ENDOU: variants seen among roughly 807,000 people sequenced by gnomAD.
ENDOU encodes the protein uridylate-specific endoribonuclease.
In ENDOU, 49 loss-of-function variants were observed where a neutral mutation model predicts 54.2. The observed-to-expected ratio is 0.90, with a 90% CI of 0.72 to 1.15. ENDOU has a LOEUF of 1.15. Among genes scored for constraint, ENDOU ranks in the 50% most tolerant of loss-of-function variants. The pLI is 0.00. For missense variants in ENDOU, 458 were observed against 511.4 expected (o/e 0.90, Z 1.01); for synonymous variants, 172 against 190.5 (o/e 0.90, Z 0.80).
intron 1 of ENDOU, among the ~76,000 whole-genome samples, chr12:47,721,839 CG>C (rs1315919681): frequency 6.6e-6 from 1 of 152,166 alleles, no homozygotes; most frequent in Non-Finnish European, 1.5e-5. Flanking sequence ...TTGGATTTCA[CG>C]AACGCTGGGT....
rs1939919290 is a variant in ENDOU, at chr12:47,709,861, A to G, written c.*941T>C. On this transcript the variant is annotated 3_prime_UTR_variant, in exon 10 of 10. Transcript: ENST00000422538. ...GGACAAATGCATAATTGAGGTTAAA[A>G]TAGGGAACTACAGTCTCTCTGGTCT... 1 of 152,256 alleles carries G rather than the reference A, an allele frequency of 6.6e-6. No individual in the cohort carries two copies. Among genetic ancestry groups the G allele is most frequent in the South Asian group, 2.1e-4 (1 of 4,832 alleles). 9.4% of individuals were successfully genotyped at this position (152,256 alleles called of 1,614,324 possible). A position where few individuals can be genotyped will look rare whatever the true frequency, so the allele number is the denominator to read the frequency against.
chr12:47,716,633 T>C (rs1565733774), intron 5 of ENDOU, 134 bp from the exon 6 acceptor site: 2 of 788,946 alleles, frequency 2.5e-6, no homozygotes, highest in East Asian at 5.3e-5. Context: ...TCGGGTACTC[T>C]TGAAAGTCAC....
Position 47,710,782 on chromosome 12 carries a change from C to T in ENDOU, c.*20G>A. On this transcript the variant is annotated 3_prime_UTR_variant, in exon 10 of 10. Transcript: ENST00000422538. ...CAGTCTCGCAAGAGCCCTCATGCCC[C>T]TTTCTGGCTCGAAGTTCTATTAGGT... is the stretch of plus-strand genomic sequence containing the variant. 4 of 1,570,626 alleles carry T rather than the reference C, an allele frequency of 2.5e-6. No individual in the cohort carries two copies. In the South Asian group the frequency reaches 4.4e-5, roughly 17 times the overall value.
intron 1 of ENDOU, among the ~76,000 whole-genome samples, chr12:47,723,202 C>T (rs545839577): frequency 3.9e-5 from 6 of 152,326 alleles, no homozygotes; most frequent in African/African-American, 1.4e-4. Flanking sequence ...TTCATCTCTG[C>T]TCAAGAACTT....
intron 4 of ENDOU, 29 bp downstream of exon 4, chr12:47,717,489 C>T (rs1182479872): frequency 1.9e-6 from 3 of 1,609,922 alleles, no homozygotes; most frequent in Non-Finnish European, 2.5e-6. Context: ...TCTGTCTCTG[C>T]AGCTTAGCTA....
At chr12:47,712,691 C>T (rs949314123) in intron 7 of ENDOU, 69 bp from the exon 8 acceptor site, 33 of 1,178,068 alleles carry the variant, frequency 2.8e-5, no homozygotes, top group Non-Finnish European at 3.7e-5. Flanking sequence ...CCCCTTTCTC[C>T]ACCCCATGCC....
rs1940412721 is a variant in ENDOU, at chr12:47,720,885, G to A, written c.56-10C>T. 1 of 1,535,914 alleles carries A rather than the reference G, an allele frequency of 6.5e-7. No homozygotes were observed. The highest frequency in any genetic ancestry group is 2.0e-5 in the Admixed American group (1 of 50,984). On this transcript the variant is annotated splice_polypyrimidine_tract_variant and intron_variant, in intron 1 of 9. Transcript: ENST00000422538. ...CAGGATTCTATTTTTCCTATGGGCAGTAAAGGTCACCAACTCAGCTCTATG... is the reference window on the plus strand; with the variant it reads ...CAGGATTCTATTTTTCCTATGGGCAATAAAGGTCACCAACTCAGCTCTATG...
chr12:47,717,019 A>G lies in ENDOU; in HGVS notation c.422T>C (p.Ile141Thr), dbSNP rs548212271. ...GTAGATCTTCTCAGAGATGCTCTGA[A>G]TCTCCTCTTTTGTTATGGCATCACT... Reference protein sequence around the residue: ...HSSDAITKEEIQSISEKIYRA... With the variant: ...HSSDAITKEETQSISEKIYRA... The change falls in exon 5 of 10, where the codon ATT (isoleucine) becomes ACT (threonine). Residue 141 changes from isoleucine (I) to threonine (T), a missense_variant. Transcript: ENST00000422538. The G allele has an allele frequency of 1.2e-6, 2 of 1,614,004 alleles. No homozygotes were observed. Among genetic ancestry groups the G allele is most frequent in the African/African-American group, 2.7e-5 (2 of 74,984 alleles).
chr12:47,717,623 G>T lies in ENDOU; in HGVS notation c.277C>A (p.Arg93Ser). 6.2e-7 allele frequency: 1 copy of T among 1,614,122 alleles called. No homozygotes were observed. Among genetic ancestry groups the T allele is most frequent in the Non-Finnish European group, 8.5e-7 (1 of 1,180,020 alleles). The change falls in exon 4 of 10, where the codon CGC becomes AGC. Residue 93 changes from arginine (R) to serine (S), a missense_variant. Arg to Ser is a moderately radical substitution (Grantham distance 110, BLOSUM62 -1). Coordinates refer to ENST00000422538, the MANE Select transcript of ENDOU (RefSeq NM_001172439.2). Reference protein sequence around the residue: ...LYSAPTSCQGRCYEAFDKHHQ... With the variant: ...LYSAPTSCQGSCYEAFDKHHQ... Reference sequence around the variant, plus strand: ...TGCTTGTCAAAGGCTTCGTAGCAGCGGCCCTGGCAGGAGGTGGGTGCCGAG... The same window carrying T: ...TGCTTGTCAAAGGCTTCGTAGCAGCTGCCCTGGCAGGAGGTGGGTGCCGAG...
Position 47,720,865 on chromosome 12 carries a change from T to C in ENDOU, c.66A>G (p.Glu22=). 6.5e-7 allele frequency: 1 copy of C among 1,536,004 alleles called. No homozygotes were observed. Among genetic ancestry groups the C allele is most frequent in the Non-Finnish European group, 8.7e-7 (1 of 1,146,876 alleles). Residue 22 remains glutamate, a synonymous_variant, in exon 2 of 10, where the codon GAA becomes GAG. Coordinates refer to ENST00000422538, the MANE Select transcript of ENDOU (RefSeq NM_001172439.2). The part of the protein sequence containing the change: ...LCGLAWAGKI[E]SCASRCNEKF... ...TCTCATTACATCGAGATGCACAGGA[T>C]TCTATTTTTCCTATGGGCAGTAAAG...
chr12:47,721,485 T>C (rs1361520850), intron 1 of ENDOU, among the ~76,000 whole-genome samples: 1 of 152,284 alleles, frequency 6.6e-6, no homozygotes, highest in Non-Finnish European at 1.5e-5. Context: ...CCCTGTTATG[T>C]TATTTGCTTC....
chr12:47,722,980 T>A (rs1157117745), intron 1 of ENDOU, among the ~76,000 whole-genome samples: 2 of 152,182 alleles, frequency 1.3e-5, no homozygotes, highest in Non-Finnish European at 2.9e-5. Context: ...GCCCATCAGC[T>A]CCCTGCTCAG....
intron 6 of ENDOU, 58 bp downstream of exon 6, chr12:47,716,242 C>G: frequency 6.4e-7 from 1 of 1,570,490 alleles, no homozygotes; most frequent in Non-Finnish European, 8.8e-7. Flanking sequence ...CCTCCCCCGC[C>G]CACCTGGCTT....
At position 47,713,297 on chromosome 12, in the gene ENDOU, ACTCGAGTCCCC is replaced by A; in HGVS notation, c.832_842del (p.Gly278TrpfsTer3). The A allele has an allele frequency of 6.2e-7, 1 of 1,611,696 alleles. No homozygotes were observed. The highest frequency in any genetic ancestry group is 8.5e-7 in the Non-Finnish European group (1 of 1,177,862). ...CACCTGAGAAGACATGTTCAAAGCC[ACTCGAGTCCCC>A]CTCTTCATTGCCTCTTGAATAGAGC... is the stretch of plus-strand genomic sequence containing the variant. On this transcript the variant is annotated frameshift_variant, in exon 7 of 10. Transcript: ENST00000422538. LOFTEE classifies it high-confidence loss of function.
chr12:47,718,857 C>G (rs1017614589), intron 2 of ENDOU, among the ~76,000 whole-genome samples: 1 of 152,046 alleles, frequency 6.6e-6, no homozygotes, highest in African/African-American at 2.4e-5. Context: ...TCTCATCACA[C>G]AGTGGAATAA....
intron 1 of ENDOU, among the ~76,000 whole-genome samples, chr12:47,721,762 A>G (rs1035520154): frequency 2.0e-5 from 3 of 152,160 alleles, no homozygotes; most frequent in African/African-American, 7.2e-5. Context: ...AACAGTGGAA[A>G]CCCACTATCC....
chr12:47,717,381 G>A (rs926255351), intron 4 of ENDOU, 137 bp downstream of exon 4: 39 of 974,802 alleles, frequency 4.0e-5, no homozygotes, highest in Admixed American at 1.3e-4. Flanking sequence ...AAGTAGGCCC[G>A]GAGTGAAGCC....
chr12:47,721,138 C>T (rs1490150866), intron 1 of ENDOU, among the ~76,000 whole-genome samples: 3 of 152,140 alleles, frequency 2.0e-5, no homozygotes, highest in Non-Finnish European at 2.9e-5. Context: ...AGGCCCATAA[C>T]ATAAGCAAGT....
Position 47,712,729 on chromosome 12 carries a change from C to T in ENDOU, c.866-107G>A, listed in dbSNP as rs1397997227. Reference sequence around the variant, plus strand: ...GGCTTCCCCCTTCTCCAGTCTCTGACTTCTAGCTGCTTGACCCCTTGCTGT... The same window carrying T: ...GGCTTCCCCCTTCTCCAGTCTCTGATTTCTAGCTGCTTGACCCCTTGCTGT... On this transcript the variant is annotated intron_variant, in intron 7 of 9. Coordinates refer to ENST00000422538, the MANE Select transcript of ENDOU (RefSeq NM_001172439.2). 5 of 778,352 alleles carry T rather than the reference C, an allele frequency of 6.4e-6. 1 individual carries two copies. In the African/African-American group the frequency reaches 8.7e-5, roughly 13 times the overall value. 48.2% of individuals were successfully genotyped at this position (778,352 alleles called of 1,614,324 possible).
Sources: gnomAD v4.1 joint callset for allele counts (sites outside exome capture counted in the v4.1 genomes callset) on GRCh38, gnomAD v4.1.1 for gene constraint, MANE v1.5 for transcripts, NCBI Gene and HGNC (gene_info 2026-07-23, HGNC 2026-07-21) for gene names.